VGLL4: variants seen among roughly 807,000 people sequenced by gnomAD.
VGLL4 encodes the protein vestigial like family member 4.
In VGLL4, 7 loss-of-function variants were observed where a neutral mutation model predicts 21.0. The ratio of observed to expected loss-of-function variants is 0.33; its 90% CI spans 0.19 to 0.63. VGLL4 has a LOEUF of 0.63. Among genes scored for constraint, VGLL4 ranks in the 20% least tolerant of loss-of-function variants. VGLL4 has a pLI of 0.78. For missense variants in VGLL4, 394 were observed against 425.7 expected, an observed-to-expected ratio of 0.93 and a Z score of 0.66; for synonymous variants, 222 against 173.2, an observed-to-expected ratio of 1.28 and a Z score of -2.21.
At position 11,558,432 on chromosome 3, in the gene VGLL4, G is replaced by T; in HGVS notation, c.*124C>A. ...CACAAATCCCAACAACATGGTTTTT[G>T]CAAATAAACCATCCCTTCCCTTCCC... On this transcript the variant is annotated 3_prime_UTR_variant, in exon 5 of 5. Transcript: ENST00000430365. 7.2e-7 allele frequency: 1 copy of T among 1,393,692 alleles called. No homozygotes were observed. Among genetic ancestry groups the T allele is most frequent in the Non-Finnish European group, 9.5e-7 (1 of 1,055,142 alleles). The allele number at this position is 1,393,692 out of a possible 1,614,324, so 86.3% of individuals were successfully genotyped here.
chr3:11,562,651 G>A (rs917539770), intron 3 of VGLL4, among the ~76,000 whole-genome samples: 2 of 152,250 alleles, frequency 1.3e-5, no homozygotes. Flanking sequence ...CCTCAGCCCC[G>A]CCACGCTGCC....
intron 2 of VGLL4, among the ~76,000 whole-genome samples, chr3:11,678,109 A>G (rs991328693): frequency 2.0e-5 from 3 of 151,890 alleles, no homozygotes; most frequent in African/African-American, 7.3e-5. Context: ...GCTAGAGTGC[A>G]GTAGCGCCAT....
At chr3:11,600,984 T>C (rs924239952) in intron 2 of VGLL4, among the ~76,000 whole-genome samples, 1 of 152,116 alleles carries the variant, frequency 6.6e-6, no homozygotes. Context: ...ACTGTACCCG[T>C]AGACTCTCTG....
At position 11,558,267 on chromosome 3, in the gene VGLL4, A is replaced by C; in HGVS notation, c.*289T>G. ...TGTGGAGTCCTGGCCCCGTCGGGGC[A>C]GCAGACCTGCATCAGAGGTTTCTTT... On this transcript the variant is annotated 3_prime_UTR_variant, in exon 5 of 5. Coordinates refer to ENST00000430365, the MANE Select transcript of VGLL4 (RefSeq NM_001128219.3). 2.0e-6 allele frequency: 1 copy of C among 501,910 alleles called. No individual in the cohort carries two copies. The highest frequency in any genetic ancestry group is 3.5e-6 in the Non-Finnish European group (1 of 284,200). The allele number at this position is 501,910 out of a possible 1,614,324, so 31.1% of individuals were successfully genotyped here.
intron 2 of VGLL4, among the ~76,000 whole-genome samples, chr3:11,692,742 A>AG (rs1329251664): frequency 7.9e-6 from 1 of 125,798 alleles, no homozygotes; most frequent in East Asian, 2.4e-4. Flanking sequence ...GGTTTTTTTG[A>AG]GGGGGGGTGG....
At chr3:11,699,105 A>T (rs1229144040) in intron 2 of VGLL4, among the ~76,000 whole-genome samples, 1 of 152,232 alleles carries the variant, frequency 6.6e-6, no homozygotes, top group Non-Finnish European at 1.5e-5. Context: ...GTCTGAGAGC[A>T]ATTTACAACA....
At chr3:11,663,626 G>A (rs2076067770) in intron 2 of VGLL4, among the ~76,000 whole-genome samples, 1 of 152,178 alleles carries the variant, frequency 6.6e-6, no homozygotes, top group Non-Finnish European at 1.5e-5. Context: ...GCTGAGGCGG[G>A]AGAATAGCTT....
At chr3:11,691,907 C>T (rs1029118278) in intron 2 of VGLL4, among the ~76,000 whole-genome samples, 3 of 149,062 alleles carry the variant, frequency 2.0e-5, no homozygotes, top group African/African-American at 7.4e-5. Flanking sequence ...GAGATGTTCA[C>T]ACCAGATACT....
At chr3:11,579,028 G>T (rs1420478902) in intron 2 of VGLL4, among the ~76,000 whole-genome samples, 2 of 152,008 alleles carry the variant, frequency 1.3e-5, no homozygotes. Context: ...GATTACAGGC[G>T]TGAGCCACTG....
At chr3:11,559,944 A>T (rs1035435785) in intron 3 of VGLL4, among the ~76,000 whole-genome samples, 10 of 152,130 alleles carry the variant, frequency 6.6e-5, no homozygotes, top group African/African-American at 2.4e-4. Context: ...GGCCTCAGTG[A>T]TGACCTACAA....
chr3:11,679,684 A>C (rs879432639), intron 2 of VGLL4, among the ~76,000 whole-genome samples: 2 of 152,142 alleles, frequency 1.3e-5, no homozygotes, highest in Non-Finnish European at 2.9e-5. Flanking sequence ...CTCTGGCTCA[A>C]AAAAAAGAAG....
intron 1 of VGLL4, among the ~76,000 whole-genome samples, chr3:11,613,440 T>G (rs924228546): frequency 3.3e-5 from 5 of 152,172 alleles, no homozygotes; most frequent in Non-Finnish European, 5.9e-5. Flanking sequence ...TTCCCTCTTC[T>G]GATCTCCCGT....
At position 11,714,536 on chromosome 3, in the gene VGLL4, C is replaced by CA. The variant is rs548022165; in HGVS notation, c.-14+5857dup. Among the ~76,000 whole-genome samples the CA allele has an allele frequency of 2.2e-3, 290 of 129,992 alleles. 1 individual carries two copies. Among genetic ancestry groups the CA allele is most frequent in the African/African-American group, 7.7e-3 (273 of 35,262 alleles). The allele number at this position is 129,992 out of a possible 152,430, so 85.3% of individuals were successfully genotyped here. A position where few individuals can be genotyped will look rare whatever the true frequency, so the allele number is the denominator to read the frequency against. On this transcript the variant is annotated intron_variant, in intron 1 of 5. Coordinates refer to the VGLL4 transcript ENST00000273038. ...TGAAATCCCATTTCTACTAAAAATA[C>CA]AAAAAATAAAATAAAATAAATAAAT... is the stretch of plus-strand genomic sequence containing the variant.
intron 2 of VGLL4, among the ~76,000 whole-genome samples, chr3:11,693,696 TCA>T (rs1378349450): frequency 3.9e-5 from 6 of 152,134 alleles, no homozygotes; most frequent in African/African-American, 1.4e-4. Context: ...ACCTGAGCCA[TCA>T]CACACACAAG....
chr3:11,630,689 G>A (rs140971217), intron 1 of VGLL4, among the ~76,000 whole-genome samples: 1 of 152,140 alleles, frequency 6.6e-6, no homozygotes, highest in Non-Finnish European at 1.5e-5. Context: ...TAGAGTTCCT[G>A]AAATGCTTAT....
chr3:11,628,615 TTGAGAC>T (rs2125312029), intron 1 of VGLL4, among the ~76,000 whole-genome samples: 1 of 150,720 alleles, frequency 6.6e-6, no homozygotes, highest in East Asian at 2.0e-4. Flanking sequence ...GGTCAGGAGA[TTGAGAC>T]CATCCTAGCT....
intron 2 of VGLL4, among the ~76,000 whole-genome samples, chr3:11,656,426 G>C (rs2075959843): frequency 6.6e-6 from 1 of 152,192 alleles, no homozygotes; most frequent in African/African-American, 2.4e-5. Flanking sequence ...GTTCCCAGGG[G>C]TGCTGGTGTT....
chr3:11,619,426 A>C (rs534576823), intron 1 of VGLL4, among the ~76,000 whole-genome samples: 1 of 152,352 alleles, frequency 6.6e-6, no homozygotes, highest in Admixed American at 6.5e-5. Context: ...ATGAGGTCCA[A>C]GAACTGTTGA....
chr3:11,583,892 G>A (rs1268238916), intron 2 of VGLL4, among the ~76,000 whole-genome samples: 11 of 152,176 alleles, frequency 7.2e-5, no homozygotes, highest in Admixed American at 5.2e-4. Flanking sequence ...GAGGTTTGGG[G>A]GGATGGACTG....
Sources: gnomAD v4.1 joint callset for allele counts (sites outside exome capture counted in the v4.1 genomes callset) on GRCh38, gnomAD v4.1.1 for gene constraint, MANE v1.5 for transcripts, NCBI Gene and HGNC (gene_info 2026-07-23, HGNC 2026-07-21) for gene names.